Variants in PRLR observed in about 807,000 individuals in gnomAD.
PRLR encodes prolactin receptor.
A neutral mutation model predicts 40.2 loss-of-function variants in PRLR; 13 were observed. The ratio of observed to expected loss-of-function variants is 0.32; its 90% CI spans 0.21 to 0.51. The LOEUF (loss-of-function observed/expected upper bound fraction) is 0.51, where lower values mean the gene tolerates loss of function less well. PRLR is among the 20% of genes least tolerant of loss of function. The pLI is 0.97. For synonymous variants in PRLR, 269 were observed against 278.7 expected, an observed-to-expected ratio of 0.97 and a Z score of 0.35; for missense variants, 656 against 747.3, an observed-to-expected ratio of 0.88 and a Z score of 1.42.
intron 2 of PRLR, among the ~76,000 whole-genome samples, chr5:35,113,217 C>T (rs927895549): frequency 6.9e-6 from 1 of 144,456 alleles, no homozygotes; most frequent in Admixed American, 6.9e-5. Context: ...CATTAACCTA[C>T]CCACCCATCT....
intron 1 of PRLR, among the ~76,000 whole-genome samples, chr5:35,160,168 A>T (rs1443716395): frequency 1.3e-5 from 2 of 152,236 alleles, no homozygotes; most frequent in Admixed American, 6.5e-5. Context: ...TGATTTTGAC[A>T]TTTTTGAATA....
chr5:35,068,232 T>G lies in PRLR; in HGVS notation c.839A>C (p.Asp280Ala), dbSNP rs764726272. 1.6e-5 allele frequency: 26 copies of G among 1,612,786 alleles called. No individual in the cohort carries two copies. The Admixed American group carries it at 4.3e-4, about 27-fold the overall frequency. The change falls in exon 9 of 10, where the codon GAT becomes GCT. Residue 280 changes from aspartate (D) to alanine (A), a missense_variant. Around this residue, in one of 3 missense-constraint regions of PRLR, gnomAD observed 469 missense variants for 491.5 expected, o/e 0.95. Coordinates refer to ENST00000618457, the MANE Select transcript of PRLR (RefSeq NM_000949.7). ...TGTACTTACCTCCAACAGATGAGCA[T>G]CAAATCCTTTTATTTTTGGCCCAGG... ...PVPGPKIKGF[D>A]AHLLEKGKSE...
At chr5:35,153,717 T>TAC (rs35934860) in intron 1 of PRLR, among the ~76,000 whole-genome samples, 56,218 of 143,260 alleles carry the variant, frequency 0.39, 10,963 homozygotes, top group East Asian at 0.62. Context: ...CCCACCATTG[T>TAC]ACACACACAC....
downstream of PRLR, among the ~76,000 whole-genome samples, chr5:35,051,644 T>C (rs1768501500): frequency 6.6e-6 from 1 of 152,236 alleles, no homozygotes; most frequent in Non-Finnish European, 1.5e-5. Flanking sequence ...TATATCCTGT[T>C]ACTATAGTGA....
intron 1 of PRLR, among the ~76,000 whole-genome samples, chr5:35,156,144 A>C (rs561461202): frequency 8.9e-4 from 135 of 151,726 alleles, no homozygotes; most frequent in Non-Finnish European, 9.0e-4. Context: ...AAAAAACAAA[A>C]AAAAAAACAA....
chr5:35,107,446 T>C (rs1448528533), intron 2 of PRLR, among the ~76,000 whole-genome samples: 1 of 151,968 alleles, frequency 6.6e-6, no homozygotes, highest in East Asian at 1.9e-4. Context: ...GAGCTGGTTT[T>C]CTGAAAAGAT....
chr5:35,097,333 G>T (rs145829325), intron 2 of PRLR, among the ~76,000 whole-genome samples: 1 of 152,264 alleles, frequency 6.6e-6, no homozygotes, highest in Non-Finnish European at 1.5e-5. Flanking sequence ...TTGTTAACTC[G>T]CTTCACCCTC....
intron 1 of PRLR, among the ~76,000 whole-genome samples, chr5:35,219,615 C>G (rs1252899639): frequency 6.6e-6 from 1 of 152,136 alleles, no homozygotes; most frequent in East Asian, 1.9e-4. Context: ...TCAAAACACT[C>G]AGAAAAGAGA....
At chr5:35,208,176 CG>C (rs1561365774) in intron 1 of PRLR, among the ~76,000 whole-genome samples, 1 of 116,770 alleles carries the variant, frequency 8.6e-6, no homozygotes, top group Non-Finnish European at 1.9e-5. Context: ...CCCACGCGCG[CG>C]CACACACACA....
chr5:35,179,760 A>AT (rs1775244251), intron 1 of PRLR, among the ~76,000 whole-genome samples: 1 of 152,120 alleles, frequency 6.6e-6, no homozygotes, highest in Non-Finnish European at 1.5e-5. Context: ...AGGTGACTGG[A>AT]TCATGGGTTT....
intron 1 of PRLR, among the ~76,000 whole-genome samples, chr5:35,217,258 G>C (rs1261225894): frequency 6.6e-6 from 1 of 152,144 alleles, no homozygotes; most frequent in Non-Finnish European, 1.5e-5. Context: ...CCAAGTTCCT[G>C]CAGAAGACTG....
At chr5:35,225,286 C>T (rs1776520839) in intron 1 of PRLR, among the ~76,000 whole-genome samples, 1 of 152,096 alleles carries the variant, frequency 6.6e-6, no homozygotes, top group African/African-American at 2.4e-5. Flanking sequence ...TTATCAGATC[C>T]CAAAGTGACA....
chr5:35,163,549 G>A (rs140690007), intron 1 of PRLR, among the ~76,000 whole-genome samples: 1 of 152,356 alleles, frequency 6.6e-6, no homozygotes, highest in African/African-American at 2.4e-5. Flanking sequence ...AGTGAGGACA[G>A]TGGCTTTTTA....
intron 1 of PRLR, among the ~76,000 whole-genome samples, chr5:35,224,459 G>T (rs1261689126): frequency 1.3e-5 from 2 of 152,164 alleles, no homozygotes; most frequent in African/African-American, 4.8e-5. Context: ...ATTCATTCTT[G>T]TCAGCTTCTT....
At chr5:35,068,744 T>C in intron 8 of PRLR, 35 bp downstream of exon 8, 1 of 1,442,792 alleles carries the variant, frequency 6.9e-7, no homozygotes, top group East Asian at 2.3e-5. Context: ...TTGACTATCA[T>C]GATTGGGAGG....
chr5:35,085,285 T>G (rs1770776162), intron 4 of PRLR, among the ~76,000 whole-genome samples: 1 of 152,182 alleles, frequency 6.6e-6, no homozygotes, highest in Non-Finnish European at 1.5e-5. Context: ...GCATCTGAGT[T>G]CCTGAAATCT....
intron 1 of PRLR, among the ~76,000 whole-genome samples, chr5:35,142,143 T>C (rs1443438191): frequency 6.6e-6 from 1 of 152,226 alleles, no homozygotes; most frequent in African/African-American, 2.4e-5. Context: ...CAGAAGTGAA[T>C]AGGTTGGCCA....
intron 1 of PRLR, among the ~76,000 whole-genome samples, chr5:35,218,522 C>T (rs1776340902): frequency 6.6e-6 from 1 of 152,186 alleles, no homozygotes; most frequent in Non-Finnish European, 1.5e-5. Context: ...CTTATATAAA[C>T]TTCAATTCTG....
chr5:35,229,102 A>G (rs115599794), intron 1 of PRLR, among the ~76,000 whole-genome samples: 5,316 of 148,314 alleles, frequency 0.036, 341 homozygotes, highest in African/African-American at 0.12. Flanking sequence ...CTCATTAAAC[A>G]TTTATATATA....
Sources: gnomAD v4.1 joint callset for allele counts (sites outside exome capture counted in the v4.1 genomes callset) on GRCh38, gnomAD v4.1.1 for gene constraint, gnomAD v4.1.1 regional missense constraint, MANE v1.5 for transcripts, NCBI Gene and HGNC (gene_info 2026-07-23, HGNC 2026-07-21) for gene names.